The following WDR70 variants were observed in gnomAD, a reference collection of about 807,000 sequenced individuals.
WDR70 encodes WD repeat-containing protein 70.
A neutral mutation model predicts 88.6 loss-of-function variants in WDR70; 53 were observed. The ratio of observed to expected loss-of-function variants is 0.60; its 90% CI spans 0.48 to 0.75. The LOEUF is 0.75. Among genes scored for constraint, WDR70 ranks in the 30% least tolerant of loss-of-function variants. WDR70 has a pLI of 0.00. For synonymous variants in WDR70, 280 were observed against 270.0 expected (o/e 1.04, Z -0.36); for missense variants, 610 against 823.2 (o/e 0.74, Z 3.17).
chr5:37,700,594 C>T (rs1747128803), intron 11 of WDR70, among the ~76,000 whole-genome samples: 1 of 152,198 alleles, frequency 6.6e-6, no homozygotes, highest in African/African-American at 2.4e-5. Flanking sequence ...TAGCTTTACC[C>T]ATACACCAGT....
chr5:37,547,893 T>G (rs1206251127), intron 9 of WDR70, among the ~76,000 whole-genome samples: 1 of 152,172 alleles, frequency 6.6e-6, no homozygotes, highest in Non-Finnish European at 1.5e-5. Flanking sequence ...TGAGAACATG[T>G]AAAATTTGTC....
chr5:37,425,298 G>A (rs1021020120), intron 5 of WDR70, among the ~76,000 whole-genome samples: 1 of 152,302 alleles, frequency 6.6e-6, no homozygotes, highest in African/African-American at 2.4e-5. Context: ...AGCTGTAAGT[G>A]CTATAGGGAA....
chr5:37,607,861 A>G (rs1561921128), intron 10 of WDR70, among the ~76,000 whole-genome samples: 1 of 152,096 alleles, frequency 6.6e-6, no homozygotes, highest in African/African-American at 2.4e-5. Context: ...GTGGATCTGC[A>G]CTGCCTCCTT....
At chr5:37,533,389 C>T (rs10058112) in intron 9 of WDR70, among the ~76,000 whole-genome samples, 3,087 of 152,064 alleles carry the variant, frequency 0.02, 90 homozygotes, top group African/African-American at 0.067. Context: ...GTCAGGAGTT[C>T]GACACTATCC....
chr5:37,646,045 TTTCC>T (rs960073455), intron 10 of WDR70, among the ~76,000 whole-genome samples: 3 of 152,084 alleles, frequency 2.0e-5, no homozygotes, highest in African/African-American at 7.2e-5. Flanking sequence ...CTCTTCCTTC[TTTCC>T]TTCTTTCTTT....
chr5:37,694,489 A>T (rs1375426981), intron 10 of WDR70, among the ~76,000 whole-genome samples: 1 of 152,214 alleles, frequency 6.6e-6, no homozygotes, highest in Non-Finnish European at 1.5e-5. Context: ...AAAATGTGGC[A>T]CATATACACC....
chr5:37,555,235 T>G (rs1742263018), intron 9 of WDR70, among the ~76,000 whole-genome samples: 1 of 152,188 alleles, frequency 6.6e-6, no homozygotes, highest in African/African-American at 2.4e-5. Flanking sequence ...GAGGCAGTCT[T>G]TTTTCCTAGA....
At chr5:37,565,835 G>A (rs1207301860) in intron 9 of WDR70, among the ~76,000 whole-genome samples, 1 of 152,006 alleles carries the variant, frequency 6.6e-6, no homozygotes, top group African/African-American at 2.4e-5. Context: ...TAATAGGGAA[G>A]GCAGTTTATA....
At chr5:37,688,789 G>C in intron 10 of WDR70, among the ~76,000 whole-genome samples, 1 of 151,930 alleles carries the variant, frequency 6.6e-6, no homozygotes. Context: ...AGTGATTTCT[G>C]CATTTCCAGC....
chr5:37,751,019 G>A (rs529374310), intron 17 of WDR70, among the ~76,000 whole-genome samples: 3 of 152,126 alleles, frequency 2.0e-5, no homozygotes, highest in Non-Finnish European at 4.4e-5. Flanking sequence ...TAACATTGAT[G>A]AGCTGGTGTC....
chr5:37,484,814 T>C (rs1739806625), intron 8 of WDR70, among the ~76,000 whole-genome samples: 1 of 152,218 alleles, frequency 6.6e-6, no homozygotes, highest in African/African-American at 2.4e-5. Context: ...TGTTCCCCCT[T>C]GGATCAGTGG....
At chr5:37,439,625 CTTTTTT>C (rs34032020) in intron 6 of WDR70, among the ~76,000 whole-genome samples, 3 of 128,978 alleles carry the variant, frequency 2.3e-5, no homozygotes, top group African/African-American at 5.7e-5. Flanking sequence ...TGGCTTAACT[CTTTTTT>C]TTTTTTTTTT....
chr5:37,725,169 C>A, intron 16 of WDR70, 119 bp downstream of exon 16: 1 of 754,632 alleles, frequency 1.3e-6, no homozygotes, highest in Non-Finnish European at 2.2e-6. Flanking sequence ...AGAGATTTTA[C>A]TAGTGTTTTA....
At chr5:37,632,103 T>G (rs1392934991) in intron 10 of WDR70, among the ~76,000 whole-genome samples, 2 of 152,176 alleles carry the variant, frequency 1.3e-5, no homozygotes, top group Non-Finnish European at 2.9e-5. Context: ...CCCATAAGAT[T>G]AGTATGTAGC....
At chr5:37,701,894 C>G (rs1015112422) in intron 12 of WDR70, among the ~76,000 whole-genome samples, 5 of 151,874 alleles carry the variant, frequency 3.3e-5, no homozygotes, top group Non-Finnish European at 2.9e-5. Flanking sequence ...TCATTCAAAT[C>G]AATAATTCAG....
chr5:37,738,341 C>T (rs372291111), intron 17 of WDR70, among the ~76,000 whole-genome samples: 104 of 152,264 alleles, frequency 6.8e-4, no homozygotes, highest in African/African-American at 2.3e-3. Flanking sequence ...CAAGTGATTT[C>T]GCCTCATACT....
At chr5:37,387,250 GTA>G (rs1295106395) in intron 3 of WDR70, among the ~76,000 whole-genome samples, 1 of 152,086 alleles carries the variant, frequency 6.6e-6, no homozygotes, top group Non-Finnish European at 1.5e-5. Flanking sequence ...TGTTGTGTGT[GTA>G]TCATCTACCT....
At position 37,750,348 on chromosome 5, in the gene WDR70, A is replaced by G. The variant is rs544875000; in HGVS notation, c.1878-2138A>G. Reference sequence around the variant, plus strand: ...CAGGCACTTGAGACCAGCCTGGGCAACATGAGCAAGACCATGTCTCTGCAA... The same window carrying G: ...CAGGCACTTGAGACCAGCCTGGGCAGCATGAGCAAGACCATGTCTCTGCAA... On this transcript the variant is annotated intron_variant, in intron 17 of 17. Transcript: ENST00000265107. Among the ~76,000 whole-genome samples, 186 of 152,304 alleles carry G rather than the reference A, an allele frequency of 1.2e-3. 1 individual carries two copies. Among genetic ancestry groups the G allele is most frequent in the Non-Finnish European group, 1.6e-3 (108 of 68,024 alleles).
At chr5:37,423,498 CAG>C (rs1423286167) in intron 5 of WDR70, among the ~76,000 whole-genome samples, 1 of 149,888 alleles carries the variant, frequency 6.7e-6, no homozygotes, top group African/African-American at 2.5e-5. Flanking sequence ...AAAATCATGA[CAG>C]AATTATAAAT....
Sources: allele counts gnomAD v4.1 joint callset (sites outside exome capture counted in the v4.1 genomes callset), GRCh38; gene constraint gnomAD v4.1.1; transcripts MANE v1.5; gene names NCBI Gene and HGNC (gene_info 2026-07-23, HGNC 2026-07-21).